CCDC186: variants seen among roughly 807,000 people sequenced by gnomAD.
The protein encoded by CCDC186 is coiled-coil domain containing 186, also known as coiled-coil domain-containing protein 186.
Under a neutral mutation model 113.7 loss-of-function variants are expected in CCDC186, and 49 were observed. That is an observed-to-expected ratio of 0.43 (90% CI 0.34 to 0.55). CCDC186 has a LOEUF of 0.55. Ranked by LOEUF, CCDC186 falls within the 20% of genes least tolerant of loss-of-function variation. The pLI, the probability that CCDC186 is intolerant of heterozygous loss-of-function variation, is 0.02. For missense variants in CCDC186, 890 were observed against 1,011.1 expected (o/e 0.88, Z 1.62); for synonymous variants, 355 against 345.8 (o/e 1.03, Z -0.30).
rs543061381 is a variant in CCDC186 at position 114,155,917 on chromosome 10, T to A, written c.759+1637A>T. Among the ~76,000 whole-genome samples the A allele has an allele frequency of 1.2e-4, 19 of 152,308 alleles. No individual in the cohort carries two copies. In the East Asian group the frequency reaches 3.5e-3, roughly 28 times the overall value. ...CTATATGCAGCTGGTGGATGCCACATTAGATAGTGCAGATCTAGAAATAAA... is the reference window on the plus strand; with the variant it reads ...CTATATGCAGCTGGTGGATGCCACAATAGATAGTGCAGATCTAGAAATAAA... On this transcript the variant is annotated intron_variant, in intron 3 of 15. Coordinates refer to ENST00000369287, the MANE Select transcript of CCDC186 (RefSeq NM_018017.4).
intron 1 of CCDC186, among the ~76,000 whole-genome samples, chr10:114,163,701 A>T (rs1420355190): frequency 6.6e-6 from 1 of 152,248 alleles, no homozygotes; most frequent in Non-Finnish European, 1.5e-5. Flanking sequence ...AGAAAAAAAG[A>T]CTACCTCATA....
chr10:114,147,961 T>C (rs925430942), intron 4 of CCDC186, among the ~76,000 whole-genome samples: 6 of 151,618 alleles, frequency 4.0e-5, no homozygotes, highest in East Asian at 1.9e-4. Context: ...AAATCCCCTA[T>C]CTACAAAAAA....
Position 114,125,894 on chromosome 10 carries a change from T to C in CCDC186, c.2605A>G (p.Thr869Ala). ...VLEDTLLKNI[T>A]LKENLQTLGT... is the part of the protein sequence containing the mutation. ...ATGAGAAACACAAATACCTTCAAAGTAATATTTTTTAGTAACGTATCCTCC... is the reference window on the plus strand; with the variant it reads ...ATGAGAAACACAAATACCTTCAAAGCAATATTTTTTAGTAACGTATCCTCC... Residue 869 changes from threonine to alanine, a missense_variant, in exon 15 of 16, where the codon ACT becomes GCT. Coordinates refer to ENST00000369287, the MANE Select transcript of CCDC186 (RefSeq NM_018017.4). 5 of 1,613,430 alleles carry C rather than the reference T, an allele frequency of 3.1e-6. No homozygotes were observed. The highest frequency in any genetic ancestry group is 4.2e-6 in the Non-Finnish European group (5 of 1,179,464).
intron 5 of CCDC186, 132 bp downstream of exon 5, chr10:114,145,417 G>C (rs73355746): frequency 0.056 from 44,854 of 798,814 alleles, 1,477 homozygotes; most frequent in Middle Eastern, 0.12. Flanking sequence ...GGTTTTAGAA[G>C]GTAAACTAAT....
rs118019643 is a variant in CCDC186, at chr10:114,159,432, C to T, written c.633-1752G>A. On this transcript the variant is annotated intron_variant, in intron 2 of 15. Transcript: ENST00000369287. ...GGTGGAGGCGGGTGGATCATGAGGT[C>T]AAGAGACCGAGACCACCCTGGCAAA... Among the ~76,000 whole-genome samples, 214 of 152,038 alleles carry T rather than the reference C, an allele frequency of 1.4e-3. 1 individual carries two copies. In the East Asian group the frequency reaches 0.037, roughly 26 times the overall value.
At chr10:114,161,565 A>G (rs1322003134) in intron 2 of CCDC186, 7 of 152,172 alleles carry the variant, frequency 4.6e-5, no homozygotes, top group African/African-American at 1.7e-4. Flanking sequence ...GGAAAATGAG[A>G]AAGTTACCCT....
chr10:114,142,295 C>A (rs1204276822), intron 6 of CCDC186, among the ~76,000 whole-genome samples: 3 of 152,238 alleles, frequency 2.0e-5, no homozygotes, highest in Non-Finnish European at 4.4e-5. Context: ...TCTACAACCT[C>A]CTGCTGGTCT....
intron 1 of CCDC186, among the ~76,000 whole-genome samples, chr10:114,172,373 C>T (rs1333102900): frequency 1.3e-5 from 2 of 152,216 alleles, no homozygotes; most frequent in African/African-American, 4.8e-5. Context: ...CTAAACTGAA[C>T]ATACTAAGCA....
chr10:114,164,659 C>T (rs1002981745), intron 1 of CCDC186, among the ~76,000 whole-genome samples: 2 of 152,112 alleles, frequency 1.3e-5, no homozygotes, highest in Admixed American at 1.3e-4. Flanking sequence ...ACAGAAATAA[C>T]AGAGCAATAA....
chr10:114,137,854 T>C (rs774331222), intron 6 of CCDC186, among the ~76,000 whole-genome samples: 1 of 151,396 alleles, frequency 6.6e-6, no homozygotes, highest in Non-Finnish European at 1.5e-5. Context: ...CTGACCAACA[T>C]GGAGAAACCC....
chr10:114,129,926 T>C lies in CCDC186; in HGVS notation c.2147A>G (p.Glu716Gly), dbSNP rs761715759. ...AGAACGACTTCCCATGCTGCTGACTTCTTTGTCATAGCTTCCACTCTCAAC... is the reference window on the plus strand; with the variant it reads ...AGAACGACTTCCCATGCTGCTGACTCCTTTGTCATAGCTTCCACTCTCAAC... ...DQVESGSYDK[E>G]VSSMGSRSSS... The change falls in exon 13 of 16, where the codon GAA becomes GGA. Residue 716 changes from glutamate (E) to glycine (G), a missense_variant. Transcript: ENST00000369287. 1.9e-6 allele frequency: 3 copies of C among 1,613,732 alleles called. No homozygotes were observed. The Admixed American group carries it at 5.0e-5, about 27-fold the overall frequency.
At position 114,174,091 on chromosome 10, in the gene CCDC186, G is replaced by A. The variant is rs1168407851; in HGVS notation, c.-138C>T. On this transcript the variant is annotated 5_prime_UTR_variant, in exon 1 of 16. Transcript: ENST00000369287. ...GCTCAGGGGCCAACTTTTCCATAGC[G>A]GGGTCCAACCAGCCAAGAGTGGGAG... is the stretch of plus-strand genomic sequence containing the variant. 2.1e-6 allele frequency: 1 copy of A among 472,216 alleles called. No individual in the cohort carries two copies. The highest frequency in any genetic ancestry group is 2.3e-5 in the Admixed American group (1 of 42,596). The allele number at this position is 472,216 out of a possible 1,614,324, so 29.3% of individuals were successfully genotyped here.
rs1279833954 is a variant in CCDC186, at chr10:114,123,895, G to C, written c.*1248C>G. The C allele has an allele frequency of 6.6e-6, 1 of 152,280 alleles. No homozygotes were observed. Among genetic ancestry groups the C allele is most frequent in the African/African-American group, 2.4e-5 (1 of 41,444 alleles). 9.4% of individuals were successfully genotyped at this position (152,280 alleles called of 1,614,324 possible). On this transcript the variant is annotated 3_prime_UTR_variant, in exon 16 of 16. Coordinates refer to ENST00000369287, the MANE Select transcript of CCDC186 (RefSeq NM_018017.4). ...GGGTCTTGCTCTGTTGCCTAGGCTG[G>C]AGTGCAGTGACACGATCATGGCTCA...
At chr10:114,127,293 T>G (rs1346196237) in intron 14 of CCDC186, among the ~76,000 whole-genome samples, 168 bp downstream of exon 14, 1 of 152,188 alleles carries the variant, frequency 6.6e-6, no homozygotes, top group African/African-American at 2.4e-5. Flanking sequence ...CATCTTAGTA[T>G]TCACAAAACC....
chr10:114,139,739 T>G (rs1017518548), intron 6 of CCDC186, among the ~76,000 whole-genome samples: 1 of 152,146 alleles, frequency 6.6e-6, no homozygotes, highest in Admixed American at 6.5e-5. Flanking sequence ...CAATTATTTA[T>G]TTTTTCAAAT....
chr10:114,136,190 T>C lies in CCDC186; in HGVS notation c.1383A>G (p.Gly461=). The C allele has an allele frequency of 1.2e-6, 2 of 1,613,178 alleles. No individual in the cohort carries two copies. Among genetic ancestry groups the C allele is most frequent in the Non-Finnish European group, 1.7e-6 (2 of 1,179,876 alleles). The change falls in exon 8 of 16, where the codon GGA becomes GGG. Residue 461 remains glycine (G), a synonymous_variant. Transcript: ENST00000369287. The stretch of plus-strand genomic sequence containing the variant: ...TTTCTTGCATTTGTTTTTCAAGTTC[T>C]CCTTTTGTGACTCTAAGCTTTGCAT... The part of the protein sequence containing the change: ...ELDAKLRVTK[G]ELEKQMQEKS...
intron 1 of CCDC186, chr10:114,173,199 G>C (rs1218988015): frequency 2.2e-6 from 1 of 455,906 alleles, no homozygotes; most frequent in African/African-American, 2.0e-5. Flanking sequence ...CAGGTAACAA[G>C]ATTATCAAGT....
Position 114,134,984 on chromosome 10 carries a change from G to A in CCDC186, c.1584C>T (p.Arg528=). ...ELSKYKEIIN[R]QKAEIQNLLD... ...ATAAATTCTGAATTTCAGCTTTTTG[G>A]CGATTAATAATTTCCTTATATTTTG... Residue 528 remains arginine (R), a synonymous_variant, in exon 10 of 16, where the codon CGC becomes CGT. Transcript: ENST00000369287. The A allele has an allele frequency of 6.2e-7, 1 of 1,611,884 alleles. No homozygotes were observed. The highest frequency in any genetic ancestry group is 8.5e-7 in the Non-Finnish European group (1 of 1,179,252).
chr10:114,144,799 A>G (rs538019262), intron 5 of CCDC186, among the ~76,000 whole-genome samples, 183 bp from the exon 6 acceptor site: 19 of 152,140 alleles, frequency 1.2e-4, no homozygotes, highest in Admixed American at 2.6e-4. Context: ...CCTAAATCCA[A>G]TTAATAGACA....
Sources: allele counts gnomAD v4.1 joint callset (sites outside exome capture counted in the v4.1 genomes callset), GRCh38; gene constraint gnomAD v4.1.1; transcripts MANE v1.5; gene names NCBI Gene and HGNC (gene_info 2026-07-23, HGNC 2026-07-21).